Variants in ASTN2 observed in about 807,000 individuals in gnomAD.
The protein encoded by ASTN2 is astrotactin 2, also known as astrotactin-2.
In ASTN2, 54 loss-of-function variants were observed where a neutral mutation model predicts 139.8. The observed-to-expected ratio is 0.39, with a 90% CI of 0.31 to 0.48. The LOEUF is 0.48. Ranked by LOEUF, ASTN2 falls within the 20% of genes least tolerant of loss-of-function variation. The probability of loss-of-function intolerance (pLI) is 0.95; values close to 1 mark genes in which losing one functional copy is unlikely to be tolerated. For synonymous variants in ASTN2, 756 were observed against 719.5 expected, an observed-to-expected ratio of 1.05 and a Z score of -0.81; for missense variants, 1,565 against 1,725.1, an observed-to-expected ratio of 0.91 and a Z score of 1.64.
chr9:117,251,287 ATT>A (rs57577627), intron 2 of ASTN2, among the ~76,000 whole-genome samples: 8 of 146,074 alleles, frequency 5.5e-5, no homozygotes, highest in South Asian at 2.2e-4. Context: ...AACAAATGCT[ATT>A]TTTTTTTTTT....
At chr9:116,850,821 A>G (rs766367057) in intron 11 of ASTN2, among the ~76,000 whole-genome samples, 1 of 151,490 alleles carries the variant, frequency 6.6e-6, no homozygotes, top group Non-Finnish European at 1.5e-5. Flanking sequence ...GATTCAAAAG[A>G]GAGAAGCAGC....
At position 117,126,120 on chromosome 9, in the gene ASTN2, T is replaced by C. The variant is rs115576423; in HGVS notation, c.1168+15206A>G. Among the ~76,000 whole-genome samples the C allele has an allele frequency of 6.4e-3, 981 of 152,224 alleles. 10 individuals are homozygous for C. Among genetic ancestry groups the C allele is most frequent in the African/African-American group, 0.022 (925 of 41,578 alleles). On this transcript the variant is annotated intron_variant, in intron 4 of 22. Transcript: ENST00000313400. ...ACAGATGGCATATTCTTAATAATAA[T>C]TAGGTCAGAAAATGAATATGAATCC...
At chr9:117,267,667 A>G (rs1250878321) in intron 2 of ASTN2, among the ~76,000 whole-genome samples, 1 of 152,186 alleles carries the variant, frequency 6.6e-6, no homozygotes, top group Non-Finnish European at 1.5e-5. Flanking sequence ...CCTCCTCCCA[A>G]TGGTGTGGTT....
chr9:116,849,772 A>G (rs1378290992), intron 11 of ASTN2, among the ~76,000 whole-genome samples: 2 of 152,174 alleles, frequency 1.3e-5, no homozygotes, highest in Non-Finnish European at 2.9e-5. Flanking sequence ...CTTGTCACTA[A>G]AAACTCAATT....
intron 2 of ASTN2, among the ~76,000 whole-genome samples, chr9:117,234,473 C>A (rs901027340): frequency 1.3e-5 from 2 of 152,208 alleles, no homozygotes; most frequent in South Asian, 4.1e-4. Flanking sequence ...GGCAAACACA[C>A]TCATCTTTCT....
intron 20 of ASTN2, among the ~76,000 whole-genome samples, chr9:116,486,217 T>C (rs776376688): frequency 5.9e-5 from 9 of 152,266 alleles, no homozygotes; most frequent in Non-Finnish European, 1.3e-4. Context: ...AGGATAGGAC[T>C]TCTGTCTTAG....
intron 7 of ASTN2, among the ~76,000 whole-genome samples, chr9:117,007,844 T>C (rs1310149418): frequency 6.6e-6 from 1 of 152,122 alleles, no homozygotes; most frequent in African/African-American, 2.4e-5. Context: ...ACATTTTGCT[T>C]GTCTGGAGCT....
chr9:116,617,116 C>T (rs1250202896), intron 19 of ASTN2, among the ~76,000 whole-genome samples: 1 of 152,176 alleles, frequency 6.6e-6, no homozygotes, highest in Admixed American at 6.5e-5. Context: ...CCCAGGAAAC[C>T]TATTAGCAGC....
intron 7 of ASTN2, among the ~76,000 whole-genome samples, chr9:116,977,994 C>T (rs977100020): frequency 2.0e-5 from 3 of 152,140 alleles, no homozygotes; most frequent in Non-Finnish European, 4.4e-5. Flanking sequence ...CGGGATTACA[C>T]GTGTGAGCCA....
chr9:117,271,831 G>A (rs1834072614), intron 2 of ASTN2, among the ~76,000 whole-genome samples: 1 of 152,192 alleles, frequency 6.6e-6, no homozygotes, highest in African/African-American at 2.4e-5. Flanking sequence ...GTCTTGGGCA[G>A]CTCCACCCCT....
intron 4 of ASTN2, among the ~76,000 whole-genome samples, chr9:117,103,948 C>T (rs1444169556): frequency 1.3e-5 from 2 of 152,216 alleles, no homozygotes; most frequent in African/African-American, 2.4e-5. Flanking sequence ...GATGTTTTGA[C>T]CACAACTGCT....
intron 5 of ASTN2, among the ~76,000 whole-genome samples, chr9:117,088,527 G>T (rs1050344726): frequency 4.6e-5 from 7 of 152,122 alleles, no homozygotes; most frequent in African/African-American, 1.7e-4. Flanking sequence ...TGTTGGAGGT[G>T]GGAGGAGAAT....
chr9:116,536,317 C>T lies in ASTN2; in HGVS notation c.3356-48817G>A, dbSNP rs192349727. 3.6e-4 allele frequency among the ~76,000 whole-genome samples: 54 copies of T among 151,850 alleles called. No individual in the cohort carries two copies. In the East Asian group the frequency reaches 5.6e-3, roughly 16 times the overall value. The stretch of plus-strand genomic sequence containing the variant: ...TGGGTTCAAACTTCCTCCTTTAGCT[C>T]GGAGAAGTTTGGTCTTCTGAAGCCT... On this transcript the variant is annotated intron_variant, in intron 19 of 22. Coordinates refer to ENST00000313400, the MANE Select transcript of ASTN2 (RefSeq NM_001365068.1).
chr9:117,165,622 C>T (rs1203074333), intron 3 of ASTN2, among the ~76,000 whole-genome samples: 1 of 152,082 alleles, frequency 6.6e-6, no homozygotes, highest in African/African-American at 2.4e-5. Context: ...GAGTGAGGGC[C>T]ACCTGTGTTC....
chr9:116,578,800 A>G (rs978356727), intron 19 of ASTN2: 3 of 152,162 alleles, frequency 2.0e-5, no homozygotes, highest in Non-Finnish European at 4.4e-5. Flanking sequence ...AGGAAACCTA[A>G]TATGTAATAC....
intron 10 of ASTN2, among the ~76,000 whole-genome samples, chr9:116,885,061 C>T (rs1833560224): frequency 6.6e-6 from 1 of 152,054 alleles, no homozygotes; most frequent in African/African-American, 2.4e-5. Flanking sequence ...GGATTAGAGA[C>T]CACCACATTT....
chr9:116,707,030 G>A (rs761671679), intron 16 of ASTN2, among the ~76,000 whole-genome samples: 1 of 151,730 alleles, frequency 6.6e-6, no homozygotes, highest in African/African-American at 2.4e-5. Flanking sequence ...TGACTGTCAC[G>A]AGGCTCAGAG....
intron 7 of ASTN2, among the ~76,000 whole-genome samples, chr9:116,995,720 C>T (rs1394982478): frequency 6.6e-6 from 1 of 152,172 alleles, no homozygotes; most frequent in Non-Finnish European, 1.5e-5. Context: ...TCCTAAATGA[C>T]TTTGGAAAAA....
intron 7 of ASTN2, among the ~76,000 whole-genome samples, chr9:116,978,495 G>GCGCGCACACACACACA (rs762311934): frequency 7.8e-6 from 1 of 127,644 alleles, no homozygotes; most frequent in Admixed American, 8.5e-5. Flanking sequence ...TCTCTCTCAC[G>GCGCGCACACACACACA]CACACACACA....
Sources: allele counts gnomAD v4.1 joint callset (sites outside exome capture counted in the v4.1 genomes callset), GRCh38; gene constraint gnomAD v4.1.1; transcripts MANE v1.5; gene names NCBI Gene and HGNC (gene_info 2026-07-23, HGNC 2026-07-21).